Variants in RASA1 observed in about 807,000 individuals in gnomAD.
RASA1 encodes ras GTPase-activating protein 1.
Under a neutral mutation model 132.2 loss-of-function variants are expected in RASA1, and 25 were observed. The ratio of observed to expected loss-of-function variants is 0.19; its 90% CI spans 0.14 to 0.26. The LOEUF (loss-of-function observed/expected upper bound fraction) is 0.26, where lower values mean the gene tolerates loss of function less well. Among genes scored for constraint, RASA1 ranks in the 10% least tolerant of loss-of-function variants. The pLI, the probability that RASA1 is intolerant of heterozygous loss-of-function variation, is 1.00. For missense variants in RASA1, 964 were observed against 1,299.2 expected, an observed-to-expected ratio of 0.74 and a Z score of 3.97; for synonymous variants, 477 against 449.9, an observed-to-expected ratio of 1.06 and a Z score of -0.76.
intron 1 of RASA1, among the ~76,000 whole-genome samples, chr5:87,307,877 A>G (rs1277809180): frequency 1.3e-5 from 2 of 152,132 alleles, no homozygotes; most frequent in African/African-American, 4.8e-5. Context: ...TGACAATTTT[A>G]TAGGTTATCT....
At chr5:87,367,898 A>G (rs547517239) in intron 11 of RASA1, among the ~76,000 whole-genome samples, 1 of 152,232 alleles carries the variant, frequency 6.6e-6, no homozygotes, top group African/African-American at 2.4e-5. Context: ...AATGTATCTC[A>G]CACAACTTTC....
chr5:87,280,950 A>G (rs1754292037), intron 1 of RASA1, among the ~76,000 whole-genome samples: 1 of 150,704 alleles, frequency 6.6e-6, no homozygotes, highest in Non-Finnish European at 1.5e-5. Context: ...GAGGCTGAAT[A>G]ATGTTCCATT....
intron 17 of RASA1, among the ~76,000 whole-genome samples, chr5:87,377,686 T>C (rs1318975483): frequency 2.0e-5 from 3 of 152,096 alleles, no homozygotes; most frequent in African/African-American, 4.8e-5. Flanking sequence ...CTAACTTTTA[T>C]AGATAGGTAG....
chr5:87,337,897 A>G, intron 4 of RASA1, 77 bp from the exon 5 acceptor site: 3 of 1,413,308 alleles, frequency 2.1e-6, no homozygotes, highest in Non-Finnish European at 2.9e-6. Context: ...TCCCTATCCT[A>G]TTTTGTGGTA....
chr5:87,291,067 C>A (rs1754891931), intron 1 of RASA1, among the ~76,000 whole-genome samples: 1 of 152,178 alleles, frequency 6.6e-6, no homozygotes, highest in Admixed American at 6.5e-5. Context: ...TGCATTCCCA[C>A]CTGTAGTGAG....
At chr5:87,336,194 A>C (rs916225396) in intron 4 of RASA1, among the ~76,000 whole-genome samples, 3 of 152,206 alleles carry the variant, frequency 2.0e-5, no homozygotes, top group Non-Finnish European at 4.4e-5. Flanking sequence ...ATTCTCACTA[A>C]ATTTGTAAAA....
At chr5:87,307,759 G>T (rs1197238786) in intron 1 of RASA1, among the ~76,000 whole-genome samples, 1 of 150,878 alleles carries the variant, frequency 6.6e-6, no homozygotes, top group Non-Finnish European at 1.5e-5. Context: ...ACCAACTTTT[G>T]TTTTTTTCCT....
At chr5:87,290,446 C>T (rs1237608104) in intron 1 of RASA1, among the ~76,000 whole-genome samples, 2 of 152,228 alleles carry the variant, frequency 1.3e-5, no homozygotes, top group African/African-American at 4.8e-5. Context: ...TGACATCCAG[C>T]ACACTGGCAC....
intron 1 of RASA1, among the ~76,000 whole-genome samples, chr5:87,314,474 AAGAG>A (rs2112314362): frequency 6.6e-6 from 1 of 152,328 alleles, no homozygotes; most frequent in Non-Finnish European, 1.5e-5. Context: ...AGGATGGAAG[AAGAG>A]AGCATAGGAA....
chr5:87,346,754 G>A (rs753997135), intron 7 of RASA1, 30 bp downstream of exon 7: 3 of 1,463,186 alleles, frequency 2.1e-6, no homozygotes, highest in Non-Finnish European at 2.9e-6. Context: ...CTTTTCTAAT[G>A]TCTATTTAAA....
chr5:87,331,563 T>C, intron 2 of RASA1, 63 bp downstream of exon 2: 3 of 1,538,586 alleles, frequency 1.9e-6, no homozygotes, highest in Non-Finnish European at 2.7e-6. Flanking sequence ...TATTCATAAA[T>C]ATACCTGTAT....
chr5:87,378,360 T>C, intron 17 of RASA1, 36 bp from the exon 18 acceptor site: 1 of 1,608,436 alleles, frequency 6.2e-7, no homozygotes, highest in Non-Finnish European at 8.5e-7. Context: ...AGGTCAGTCC[T>C]TTACAAATAA....
chr5:87,287,359 CAT>C (rs1217795142), intron 1 of RASA1, among the ~76,000 whole-genome samples: 1 of 131,978 alleles, frequency 7.6e-6, no homozygotes, highest in African/African-American at 2.9e-5. Flanking sequence ...ATATATACAC[CAT>C]ATATATACCA....
chr5:87,268,251 C>A lies in RASA1; in HGVS notation c.-201C>A. ...GTTGGGTTTTTTGCCCACTTGGCTTCCCGTAACCCAGGCAGCTGGGGAGCC... is the reference window on the plus strand; with the variant it reads ...GTTGGGTTTTTTGCCCACTTGGCTTACCGTAACCCAGGCAGCTGGGGAGCC... On this transcript the variant is annotated 5_prime_UTR_variant, in exon 1 of 25. Transcript: ENST00000274376. 1.3e-6 allele frequency: 1 copy of A among 772,840 alleles called. No individual in the cohort carries two copies. Among genetic ancestry groups the A allele is most frequent in the South Asian group, 2.1e-5 (1 of 47,470 alleles). 47.9% of individuals were successfully genotyped at this position (772,840 alleles called of 1,614,324 possible). A position where few individuals can be genotyped will look rare whatever the true frequency, so the allele number is the denominator to read the frequency against.
intron 1 of RASA1, among the ~76,000 whole-genome samples, chr5:87,296,613 A>G (rs990834564): frequency 4.1e-5 from 5 of 122,688 alleles, no homozygotes; most frequent in African/African-American, 1.6e-4. Flanking sequence ...TTTTCTCTCA[A>G]CACTTTAGTT....
At chr5:87,278,030 A>AAT (rs1561250724) in intron 1 of RASA1, among the ~76,000 whole-genome samples, 1 of 152,130 alleles carries the variant, frequency 6.6e-6, no homozygotes, top group East Asian at 1.9e-4. Flanking sequence ...AAATTTCGCT[A>AAT]ATACATCTGT....
At chr5:87,281,343 C>T (rs1213523636) in intron 1 of RASA1, among the ~76,000 whole-genome samples, 2 of 151,160 alleles carry the variant, frequency 1.3e-5, no homozygotes, top group East Asian at 1.9e-4. Context: ...ACTGCAATCT[C>T]GTCTTACTGC....
chr5:87,295,184 C>T (rs977218393), intron 1 of RASA1, among the ~76,000 whole-genome samples: 3 of 151,990 alleles, frequency 2.0e-5, no homozygotes, highest in African/African-American at 7.2e-5. Context: ...TTAGCGTTAG[C>T]GTGGTGTATC....
intron 1 of RASA1, among the ~76,000 whole-genome samples, chr5:87,327,368 G>T (rs1302621459): frequency 1.3e-5 from 2 of 152,100 alleles, no homozygotes; most frequent in African/African-American, 2.4e-5. Context: ...TTCTTTAAAG[G>T]AATTTAGTAC....
Sources: gnomAD v4.1 joint callset for allele counts (sites outside exome capture counted in the v4.1 genomes callset) on GRCh38, gnomAD v4.1.1 for gene constraint, MANE v1.5 for transcripts, NCBI Gene and HGNC (gene_info 2026-07-23, HGNC 2026-07-21) for gene names.